Variants in ANXA8 observed in about 807,000 individuals in gnomAD.
The protein encoded by ANXA8 is VAC-beta.
A neutral mutation model predicts 26.8 loss-of-function variants in ANXA8; 9 were observed. The ratio of observed to expected loss-of-function variants is 0.34; its 90% CI spans 0.20 to 0.59. The LOEUF (loss-of-function observed/expected upper bound fraction) is 0.59, where lower values mean the gene tolerates loss of function less well. Among genes scored for constraint, ANXA8 ranks in the 20% least tolerant of loss-of-function variants. The pLI is 0.84. For missense variants in ANXA8, 83 were observed against 238.5 expected (o/e 0.35, Z 4.29); for synonymous variants, 39 against 94.8 (o/e 0.41, Z 3.42).
the ANXA8 span, among the ~76,000 whole-genome samples, chr10:47,492,963 T>G: frequency 1.3e-5 from 2 of 151,194 alleles, 1 homozygote; most frequent in African/African-American, 4.9e-5. Context: ...CTGTGGGCCC[T>G]CCCAGCCTGG....
At chr10:47,485,781 A>G (rs1446304382), upstream of ANXA8, among the ~76,000 whole-genome samples, 1 of 151,906 alleles carries the variant, frequency 6.6e-6, no homozygotes, top group Non-Finnish European at 1.5e-5. Flanking sequence ...ACTACTACCC[A>G]CTATCAACAC....
the ANXA8 span, among the ~76,000 whole-genome samples, chr10:47,954,827 C>A: frequency 6.6e-6 from 1 of 151,070 alleles, no homozygotes; most frequent in African/African-American, 2.4e-5. Flanking sequence ...GGGAAAAACC[C>A]CAGACAGTAG....
At chr10:47,581,226 G>C in the ANXA8 span, 1 of 410,420 alleles carries the variant, frequency 2.4e-6, no homozygotes, top group Non-Finnish European at 4.7e-6. Context: ...TCCTTCACAG[G>C]AGTCACGTAG....
the ANXA8 span, among the ~76,000 whole-genome samples, chr10:47,694,419 T>G: frequency 3.5e-5 from 2 of 56,646 alleles, no homozygotes; most frequent in Admixed American, 1.5e-4. Context: ...AAATCTTCCT[T>G]TTTTTTTTTT....
At chr10:47,489,630 A>G in the ANXA8 span, 1 of 697,144 alleles carries the variant, frequency 1.4e-6, no homozygotes, top group South Asian at 1.7e-5. Flanking sequence ...CTCCTTCACC[A>G]CTTCCTCCAC....
At chr10:47,733,191 T>TTCTTTC in the ANXA8 span, among the ~76,000 whole-genome samples, 1 of 106,476 alleles carries the variant, frequency 9.4e-6, no homozygotes, top group Admixed American at 9.4e-5. Context: ...CTTTCTTTCT[T>TTCTTTC]TCTTTCTTTC....
chr10:47,584,752 C>T, the ANXA8 span, among the ~76,000 whole-genome samples: 4 of 115,862 alleles, frequency 3.5e-5, no homozygotes, highest in East Asian at 9.0e-4. Flanking sequence ...GATTTCTCCC[C>T]ATAGAACAGG....
At chr10:47,565,991 G>C in the ANXA8 span, 66 of 1,438,970 alleles carry the variant, frequency 4.6e-5, no homozygotes, top group Non-Finnish European at 5.9e-5. Flanking sequence ...GAGCTTCTCG[G>C]GCAGCGTGGA....
At chr10:47,942,786 C>T in the ANXA8 span, among the ~76,000 whole-genome samples, 59 of 145,306 alleles carry the variant, frequency 4.1e-4, 7 homozygotes, top group African/African-American at 1.3e-3. Flanking sequence ...TTATCGCTGT[C>T]GCTGAGATGG....
chr10:47,585,066 C>T, the ANXA8 span, among the ~76,000 whole-genome samples: 1 of 144,478 alleles, frequency 6.9e-6, no homozygotes, highest in South Asian at 2.1e-4. Context: ...CCAGCCTGGG[C>T]AACAGAGTGA....
the ANXA8 span, among the ~76,000 whole-genome samples, chr10:47,540,573 A>T: frequency 8.9e-6 from 1 of 112,794 alleles, no homozygotes; most frequent in East Asian, 4.6e-4. Context: ...CCAAGGCAGG[A>T]AGAGGACAAA....
At chr10:47,605,149 CA>C in the ANXA8 span, among the ~76,000 whole-genome samples, 1 of 137,752 alleles carries the variant, frequency 7.3e-6, no homozygotes, top group Non-Finnish European at 1.5e-5. Context: ...AATTTACTTG[CA>C]TTTTTAAATT....
chr10:47,482,166 C>T (rs1288804409), intron 1 of ANXA8, among the ~76,000 whole-genome samples: 4 of 135,480 alleles, frequency 3.0e-5, no homozygotes, highest in East Asian at 5.8e-4. Flanking sequence ...ACTGGGTCTT[C>T]GCTAGCAGCT....
chr10:47,527,792 T>A, the ANXA8 span, among the ~76,000 whole-genome samples: 2 of 143,858 alleles, frequency 1.4e-5, no homozygotes, highest in Non-Finnish European at 3.0e-5. Flanking sequence ...AAGGGAGATA[T>A]GTGGTAAAGG....
At chr10:47,976,315 A>G in the ANXA8 span, among the ~76,000 whole-genome samples, 1 of 150,914 alleles carries the variant, frequency 6.6e-6, no homozygotes. Context: ...GATTTATTCA[A>G]GAAACACAGC....
chr10:47,952,990 A>C, the ANXA8 span, among the ~76,000 whole-genome samples: 8 of 148,816 alleles, frequency 5.4e-5, no homozygotes, highest in Non-Finnish European at 1.2e-4. Flanking sequence ...CACAGACAAA[A>C]ATAAAAGCTA....
the ANXA8 span, among the ~76,000 whole-genome samples, chr10:47,777,372 C>G: frequency 5.3e-5 from 8 of 151,920 alleles, no homozygotes; most frequent in Non-Finnish European, 1.0e-4. Flanking sequence ...AGGCTGGTCT[C>G]GAACTCCCGG....
chr10:47,977,784 A>G, the ANXA8 span, among the ~76,000 whole-genome samples: 1 of 151,604 alleles, frequency 6.6e-6, no homozygotes, highest in Non-Finnish European at 1.5e-5. Flanking sequence ...AGGGAACAGA[A>G]AGTCAAAAGA....
chr10:47,665,765 A>G, the ANXA8 span, among the ~76,000 whole-genome samples: 1 of 151,332 alleles, frequency 6.6e-6, no homozygotes, highest in Non-Finnish European at 1.5e-5. Flanking sequence ...GTTCTACTCT[A>G]TGGATTAAAT....
Sources: gnomAD v4.1 joint callset for allele counts (sites outside exome capture counted in the v4.1 genomes callset) on GRCh38, gnomAD v4.1.1 for gene constraint, MANE v1.5 for transcripts, NCBI Gene and HGNC (gene_info 2026-07-23, HGNC 2026-07-21) for gene names.